PRKG1: variants seen among roughly 807,000 people sequenced by gnomAD.
PRKG1 encodes the protein protein kinase cGMP-dependent 1.
In PRKG1, 35 loss-of-function variants were observed where a neutral mutation model predicts 88.1. The ratio of observed to expected loss-of-function variants is 0.40; its 90% CI spans 0.30 to 0.53. The LOEUF is 0.53. Among genes scored for constraint, PRKG1 ranks in the 20% least tolerant of loss-of-function variants. PRKG1 has a pLI of 0.59. For synonymous variants in PRKG1, 303 were observed against 292.5 expected (o/e 1.04, Z -0.37); for missense variants, 540 against 839.8 (o/e 0.64, Z 4.41).
intron 3 of PRKG1, among the ~76,000 whole-genome samples, chr10:51,580,053 A>G (rs975433748): frequency 1.3e-5 from 2 of 152,006 alleles, no homozygotes; most frequent in Non-Finnish European, 2.9e-5. Context: ...TCTCATCCAC[A>G]TTCTCATATT....
chr10:51,347,754 GT>G (rs1280950620), intron 2 of PRKG1, among the ~76,000 whole-genome samples: 6 of 151,946 alleles, frequency 3.9e-5, no homozygotes, highest in African/African-American at 1.4e-4. Flanking sequence ...TTTAGCACCG[GT>G]TATCAGAACA....
At position 51,238,696 on chromosome 10, in the gene PRKG1, G is replaced by T. The variant is rs1157804515; in HGVS notation, c.478+85366G>T. ...GAATCTCTTAAACCTGGGAGGACGA[G>T]GTTGCAGTGAGCCAAGATGGTTCCA... is the stretch of plus-strand genomic sequence containing the variant. On this transcript the variant is annotated intron_variant, in intron 2 of 17. Coordinates refer to ENST00000373980, the MANE Select transcript of PRKG1 (RefSeq NM_006258.4). 2.0e-5 allele frequency among the ~76,000 whole-genome samples: 3 copies of T among 151,894 alleles called. No homozygotes were observed. In the East Asian group the frequency reaches 5.8e-4, roughly 29 times the overall value.
At position 52,182,786 on chromosome 10, in the gene PRKG1, T is replaced by C. The variant is rs187911694; in HGVS notation, c.1076+20823T>C. On this transcript the variant is annotated intron_variant, in intron 9 of 17. Transcript: ENST00000373980. ...TTCTGAGGGCTCTGTTCTGTTCCAT[T>C]GATCTATATCTCTGTTTTGGTACCA... 6.0e-3 allele frequency among the ~76,000 whole-genome samples: 902 copies of C among 151,286 alleles called. 7 individuals carry two copies. The highest frequency in any genetic ancestry group is 0.021 in the African/African-American group (853 of 41,078).
At chr10:51,802,371 A>G (rs935433535) in intron 3 of PRKG1, among the ~76,000 whole-genome samples, 4 of 152,210 alleles carry the variant, frequency 2.6e-5, no homozygotes, top group African/African-American at 9.6e-5. Context: ...ACCTAGAGAC[A>G]TTTAAATAGC....
chr10:52,119,648 A>G (rs185600632), intron 7 of PRKG1, among the ~76,000 whole-genome samples: 3 of 152,344 alleles, frequency 2.0e-5, no homozygotes, highest in Admixed American at 1.3e-4. Flanking sequence ...AATAAAGGAA[A>G]GACTAATGCA....
chr10:51,455,493 A>G (rs2132783239), intron 2 of PRKG1, among the ~76,000 whole-genome samples: 1 of 152,246 alleles, frequency 6.6e-6, no homozygotes, highest in South Asian at 2.1e-4. Flanking sequence ...TTTCCCTTTT[A>G]AAACTGAATG....
chr10:51,019,282 A>G (rs1843104433), intron 1 of PRKG1, among the ~76,000 whole-genome samples: 3 of 152,230 alleles, frequency 2.0e-5, no homozygotes, highest in Non-Finnish European at 4.4e-5. Context: ...ACAATGTGGT[A>G]CTGGCATAAA....
intron 3 of PRKG1, among the ~76,000 whole-genome samples, chr10:51,689,239 A>ATCTAT (rs56858290): frequency 6.7e-6 from 1 of 150,220 alleles, no homozygotes; most frequent in African/African-American, 2.5e-5. Context: ...AAATCTATCT[A>ATCTAT]CTATCTATCT....
At chr10:51,554,343 A>G (rs1378112146) in intron 3 of PRKG1, among the ~76,000 whole-genome samples, 1 of 144,572 alleles carries the variant, frequency 6.9e-6, no homozygotes, top group Non-Finnish European at 1.5e-5. Flanking sequence ...TATATTATAT[A>G]CACATATATA....
intron 1 of PRKG1, among the ~76,000 whole-genome samples, chr10:51,147,915 A>G (rs1171209498): frequency 1.3e-5 from 2 of 152,160 alleles, no homozygotes; most frequent in Non-Finnish European, 2.9e-5. Flanking sequence ...ACTTTGCAGG[A>G]TTAAATTTTA....
intron 5 of PRKG1, among the ~76,000 whole-genome samples, chr10:52,023,486 G>A (rs111390562): frequency 0.045 from 6,803 of 152,184 alleles, 361 homozygotes; most frequent in African/African-American, 0.13. Flanking sequence ...TTGAGGAATC[G>A]CCACACTCTC....
At chr10:51,556,691 A>G (rs1434962568) in intron 3 of PRKG1, among the ~76,000 whole-genome samples, 1 of 151,996 alleles carries the variant, frequency 6.6e-6, no homozygotes, top group Non-Finnish European at 1.5e-5. Flanking sequence ...AGACATAAAG[A>G]TGGCAACGAT....
chr10:51,294,204 A>G (rs781162548), intron 2 of PRKG1, among the ~76,000 whole-genome samples: 1 of 151,998 alleles, frequency 6.6e-6, no homozygotes, highest in Non-Finnish European at 1.5e-5. Flanking sequence ...GTTGCTCTTC[A>G]TGAGCTTTTT....
chr10:51,571,537 TGA>T (rs200758537), intron 3 of PRKG1, among the ~76,000 whole-genome samples: 21,451 of 151,814 alleles, frequency 0.14, 1,620 homozygotes, highest in African/African-American at 0.19. Context: ...AAATGTTTCA[TGA>T]GGGGGTGAGG....
At chr10:51,488,049 A>G (rs1235633952) in intron 3 of PRKG1, among the ~76,000 whole-genome samples, 1 of 152,170 alleles carries the variant, frequency 6.6e-6, no homozygotes, top group Non-Finnish European at 1.5e-5. Flanking sequence ...AAATGAGACT[A>G]CATTTTAATC....
chr10:51,468,001 A>T (rs1490741912), intron 3 of PRKG1, 165 bp downstream of exon 3: 1 of 602,312 alleles, frequency 1.7e-6, no homozygotes, highest in Non-Finnish European at 3.0e-6. Context: ...ACTAAAGGTG[A>T]TTGTTAACAA....
chr10:52,144,897 G>A (rs1177940469), intron 8 of PRKG1, among the ~76,000 whole-genome samples: 2 of 152,038 alleles, frequency 1.3e-5, no homozygotes, highest in East Asian at 1.9e-4. Context: ...AGGGATGAAA[G>A]GGAAATGTTT....
intron 2 of PRKG1, among the ~76,000 whole-genome samples, chr10:51,287,505 G>T (rs1260609968): frequency 2.0e-5 from 3 of 152,174 alleles, no homozygotes; most frequent in Non-Finnish European, 2.9e-5. Flanking sequence ...TGAAGGTCCT[G>T]TTCACATGGA....
At chr10:51,995,299 T>C (rs1157418197) in intron 5 of PRKG1, among the ~76,000 whole-genome samples, 4 of 152,156 alleles carry the variant, frequency 2.6e-5, no homozygotes, top group Non-Finnish European at 5.9e-5. Flanking sequence ...GAATGAGTCT[T>C]AAACAGGAGC....
Sources: allele counts gnomAD v4.1 joint callset (sites outside exome capture counted in the v4.1 genomes callset), GRCh38; gene constraint gnomAD v4.1.1; transcripts MANE v1.5; gene names NCBI Gene and HGNC (gene_info 2026-07-23, HGNC 2026-07-21).